DIS3L2: variants seen among roughly 807,000 people sequenced by gnomAD.
DIS3L2 encodes DIS3-like exonuclease 2.
Under a neutral mutation model 97.5 loss-of-function variants are expected in DIS3L2, and 34 were observed. That is an observed-to-expected ratio of 0.35 (90% CI 0.27 to 0.46). The LOEUF (loss-of-function observed/expected upper bound fraction) is 0.46, where lower values mean the gene tolerates loss of function less well. DIS3L2 is among the 20% of genes least tolerant of loss of function. The pLI is 1.00. For synonymous variants in DIS3L2, 435 were observed against 445.2 expected (o/e 0.98, Z 0.29); for missense variants, 1,038 against 1,146.0 (o/e 0.91, Z 1.36).
intron 6 of DIS3L2, chr2:232,111,334 G>A: frequency 2.2e-6 from 1 of 462,238 alleles, no homozygotes; most frequent in Admixed American, 2.4e-5. Context: ...TTTTTAAAGA[G>A]CACATCATGG....
At chr2:232,083,554 G>T (rs1447163416) in intron 5 of DIS3L2, among the ~76,000 whole-genome samples, 1 of 151,080 alleles carries the variant, frequency 6.6e-6, no homozygotes, top group Non-Finnish European at 1.5e-5. Context: ...GAGTGCAGTG[G>T]CATGATCTCA....
intron 12 of DIS3L2, 109 bp from the exon 13 acceptor site, chr2:232,263,098 C>A: frequency 1.8e-6 from 2 of 1,120,930 alleles, no homozygotes; most frequent in Non-Finnish European, 2.6e-6. Context: ...AGCACACAGT[C>A]AGTGCTCAAT....
At chr2:232,205,874 GTCAC>G (rs1477655624) in intron 9 of DIS3L2, among the ~76,000 whole-genome samples, 1 of 152,206 alleles carries the variant, frequency 6.6e-6, no homozygotes, top group Non-Finnish European at 1.5e-5. Flanking sequence ...GATACAGATT[GTCAC>G]AAGTAGAGTG....
At chr2:232,249,382 C>CT in intron 12 of DIS3L2, 36 bp downstream of exon 12, 1 of 1,596,946 alleles carries the variant, frequency 6.3e-7, no homozygotes, top group Non-Finnish European at 8.6e-7. Flanking sequence ...CCACTTACCT[C>CT]TTTTCTGTTC....
chr2:232,051,525 A>G (rs1380465394), intron 5 of DIS3L2, among the ~76,000 whole-genome samples: 2 of 152,314 alleles, frequency 1.3e-5, no homozygotes, highest in East Asian at 3.9e-4. Flanking sequence ...CTTAAGAACT[A>G]GCTTCGGCTG....
chr2:232,277,487 CT>C (rs1216033804), intron 13 of DIS3L2, among the ~76,000 whole-genome samples: 1 of 152,006 alleles, frequency 6.6e-6, no homozygotes, highest in African/African-American at 2.4e-5. Flanking sequence ...AGGAAATTAA[CT>C]TTTTTTTCTG....
chr2:232,088,167 G>A (rs1206680105), intron 6 of DIS3L2, among the ~76,000 whole-genome samples: 1 of 152,084 alleles, frequency 6.6e-6, no homozygotes, highest in African/African-American at 2.4e-5. Context: ...TTGGGAGGCC[G>A]AGGCGGGCGG....
Position 232,292,530 on chromosome 2 carries a change from C to G in DIS3L2, c.1660-7510C>G, listed in dbSNP as rs938553884. ...GGGAAGATTCTCCTCTCCCAAGGGT[C>G]CTAGTCCCTTCAACTCATCCAGGCT... On this transcript the variant is annotated intron_variant, in intron 13 of 20. Transcript: ENST00000325385. The surrounding 1 kb of genome is among the most constrained non-coding windows in gnomAD (Gnocchi z 4.4). 6.6e-6 allele frequency among the ~76,000 whole-genome samples: 1 copy of G among 152,212 alleles called. No homozygotes were observed. Among genetic ancestry groups the G allele is most frequent in the Non-Finnish European group, 1.5e-5 (1 of 68,032 alleles).
At chr2:232,307,751 A>T (rs1695025551) in intron 14 of DIS3L2, 1 of 152,232 alleles carries the variant, frequency 6.6e-6, no homozygotes, top group African/African-American at 2.4e-5. Flanking sequence ...CAAGAAGGAT[A>T]TTCACAATAA....
At chr2:232,084,697 G>A (rs1380056780) in intron 5 of DIS3L2, among the ~76,000 whole-genome samples, 3 of 151,842 alleles carry the variant, frequency 2.0e-5, no homozygotes, top group African/African-American at 7.3e-5. Context: ...AATCTGACAT[G>A]AGTCAAAACA....
chr2:232,189,824 T>C (rs1691560848), intron 9 of DIS3L2, among the ~76,000 whole-genome samples: 1 of 152,228 alleles, frequency 6.6e-6, no homozygotes, highest in African/African-American at 2.4e-5. Context: ...GGTAACTGGG[T>C]AAAGGGCACA....
intron 5 of DIS3L2, among the ~76,000 whole-genome samples, chr2:232,038,411 C>G (rs1473519818): frequency 6.6e-6 from 1 of 151,888 alleles, no homozygotes; most frequent in Non-Finnish European, 1.5e-5. Flanking sequence ...GTAGAGCAGA[C>G]CAGAGCAGGT....
chr2:232,002,705 A>C (rs1693943040), intron 1 of DIS3L2, among the ~76,000 whole-genome samples: 1 of 152,194 alleles, frequency 6.6e-6, no homozygotes, highest in African/African-American at 2.4e-5. Context: ...AGGCATATTA[A>C]GTGAAGTGTT....
chr2:232,244,826 G>A (rs1693205294), intron 11 of DIS3L2, among the ~76,000 whole-genome samples: 1 of 152,150 alleles, frequency 6.6e-6, no homozygotes, highest in Non-Finnish European at 1.5e-5. Flanking sequence ...TGGGGAAGGA[G>A]CTAACAAAGA....
chr2:232,027,107 A>G (rs1453335715), intron 4 of DIS3L2, among the ~76,000 whole-genome samples: 1 of 152,150 alleles, frequency 6.6e-6, no homozygotes, highest in Non-Finnish European at 1.5e-5. Context: ...CAGAAGCATT[A>G]TAGAAAGCAA....
At chr2:231,972,384 C>T (rs1692945479) in intron 1 of DIS3L2, among the ~76,000 whole-genome samples, 1 of 152,144 alleles carries the variant, frequency 6.6e-6, no homozygotes, top group South Asian at 2.1e-4. Context: ...TCAACACAAA[C>T]ACATGACTAG....
At chr2:232,206,571 CTG>C (rs1692031902) in intron 9 of DIS3L2, among the ~76,000 whole-genome samples, 1 of 152,154 alleles carries the variant, frequency 6.6e-6, no homozygotes, top group East Asian at 1.9e-4. Context: ...CATGCAAAAA[CTG>C]TTCTCATCTT....
At chr2:232,146,808 C>G (rs1423620757) in intron 8 of DIS3L2, among the ~76,000 whole-genome samples, 2 of 152,070 alleles carry the variant, frequency 1.3e-5, no homozygotes, top group African/African-American at 4.8e-5. Context: ...ATTGGGCACT[C>G]TAGTTTTTGT....
chr2:232,335,979 A>G (rs575806504), intron 20 of DIS3L2, 105 bp downstream of exon 20: 1 of 1,535,296 alleles, frequency 6.5e-7, no homozygotes, highest in South Asian at 1.2e-5. Flanking sequence ...CTCCCCCAGC[A>G]CTGCAGCCTC....
Sources: gnomAD v4.1 joint callset for allele counts (sites outside exome capture counted in the v4.1 genomes callset) on GRCh38, gnomAD v4.1.1 for gene constraint, Gnocchi (gnomAD v3.1) non-coding constraint, MANE v1.5 for transcripts, NCBI Gene and HGNC (gene_info 2026-07-23, HGNC 2026-07-21) for gene names.